The following RHOBTB1 variants were observed in gnomAD, a reference collection of about 807,000 sequenced individuals.
The protein encoded by RHOBTB1 is Rho related BTB domain containing 1, also known as rho-related BTB domain-containing protein 1.
A neutral mutation model predicts 71.6 loss-of-function variants in RHOBTB1; 40 were observed. The observed-to-expected ratio is 0.56, with a 90% CI of 0.43 to 0.73. The LOEUF (loss-of-function observed/expected upper bound fraction) is 0.73, where lower values mean the gene tolerates loss of function less well. RHOBTB1 is among the 30% of genes least tolerant of loss of function. The probability of loss-of-function intolerance (pLI) is 0.00; values close to 1 mark genes in which losing one functional copy is unlikely to be tolerated. For missense variants in RHOBTB1, 797 were observed against 894.0 expected (o/e 0.89, Z 1.38); for synonymous variants, 319 against 334.9 (o/e 0.95, Z 0.52).
rs757070619 is a variant in RHOBTB1, at chr10:60,888,277, G to A, written c.1391C>T (p.Thr464Met). 4.3e-6 allele frequency: 7 copies of A among 1,613,832 alleles called. No homozygotes were observed. Among genetic ancestry groups the A allele is most frequent in the East Asian group, 2.2e-5 (1 of 44,862 alleles). ...NKEAFMNQEITKAFHVRKANR... is the reference protein window; with the variant it reads ...NKEAFMNQEIMKAFHVRKANR... ...GGCTTTCCTTACGTGAAAGGCTTTC[G>A]TAATCTCCTGGTTCATGAAGGCTTC... is the stretch of plus-strand genomic sequence containing the variant. The change falls in exon 6 of 11, where the codon ACG (threonine) becomes ATG (methionine). Residue 464 changes from threonine (T) to methionine (M), a missense_variant. Thr to Met is a moderately conservative substitution (Grantham distance 81). Coordinates refer to ENST00000337910, the MANE Select transcript of RHOBTB1 (RefSeq NM_014836.5).
chr10:60,993,163 C>G (rs1286474390), intron 1 of RHOBTB1, among the ~76,000 whole-genome samples: 3 of 152,022 alleles, frequency 2.0e-5, no homozygotes, highest in Non-Finnish European at 4.4e-5. Context: ...ATGGAGAAAA[C>G]CCATTGTCTT....
chr10:60,968,492 G>A (rs1333415593), intron 2 of RHOBTB1, among the ~76,000 whole-genome samples: 1 of 152,094 alleles, frequency 6.6e-6, no homozygotes, highest in Non-Finnish European at 1.5e-5. Context: ...CTGGGTGCTA[G>A]GGACAATGAG....
intron 5 of RHOBTB1, among the ~76,000 whole-genome samples, chr10:60,892,303 C>T (rs748581344): frequency 5.3e-5 from 8 of 151,958 alleles, no homozygotes; most frequent in African/African-American, 1.2e-4. Context: ...ACTATAGGTC[C>T]GAATGATTTT....
At chr10:60,980,070 G>A (rs1410232357) in intron 2 of RHOBTB1, among the ~76,000 whole-genome samples, 2 of 152,112 alleles carry the variant, frequency 1.3e-5, no homozygotes, top group Non-Finnish European at 2.9e-5. Context: ...TCTGAGTCAA[G>A]GAGCAAAATT....
chr10:60,893,337 T>C (rs1369170942), intron 4 of RHOBTB1, among the ~76,000 whole-genome samples: 2 of 152,152 alleles, frequency 1.3e-5, no homozygotes, highest in Non-Finnish European at 2.9e-5. Flanking sequence ...TCACAAGAAA[T>C]AGTTTCAAGA....
intron 2 of RHOBTB1, among the ~76,000 whole-genome samples, chr10:60,978,249 T>C (rs1397531132): frequency 6.6e-6 from 1 of 152,142 alleles, no homozygotes; most frequent in African/African-American, 2.4e-5. Flanking sequence ...ACAGAAGTTA[T>C]TGGCCATGTT....
At chr10:60,949,965 T>A (rs12769453) in intron 2 of RHOBTB1, among the ~76,000 whole-genome samples, 2,393 of 152,346 alleles carry the variant, frequency 0.016, 29 homozygotes, top group Admixed American at 0.027. Context: ...TAAAGTCCTT[T>A]CTGTGTGGAT....
At chr10:60,988,905 T>C (rs1246233251) in intron 1 of RHOBTB1, among the ~76,000 whole-genome samples, 1 of 152,224 alleles carries the variant, frequency 6.6e-6, no homozygotes, top group Non-Finnish European at 1.5e-5. Flanking sequence ...TTTATAGTAC[T>C]CTGGCTTTAT....
Position 60,943,965 on chromosome 10 carries a change from A to G in RHOBTB1, c.-62+6T>C, listed in dbSNP as rs2085078115. 6.7e-6 allele frequency: 1 copy of G among 149,164 alleles called. No homozygotes were observed. The highest frequency in any genetic ancestry group is 6.6e-5 in the Admixed American group (1 of 15,096). 9.2% of individuals were successfully genotyped at this position (149,164 alleles called of 1,614,324 possible). A position where few individuals can be genotyped will look rare whatever the true frequency, so the allele number is the denominator to read the frequency against. On this transcript the variant is annotated splice_donor_region_variant and intron_variant, in intron 1 of 10. Coordinates refer to ENST00000337910, the MANE Select transcript of RHOBTB1 (RefSeq NM_014836.5). Reference sequence around the variant, plus strand: ...TAGCATAGAGCACTCACGACACAGAACCTACCCTGAAGCCGAGCGAGACGC... The same window carrying G: ...TAGCATAGAGCACTCACGACACAGAGCCTACCCTGAAGCCGAGCGAGACGC...
chr10:60,932,513 T>TAAA (rs3049595), intron 2 of RHOBTB1, among the ~76,000 whole-genome samples: 1,111 of 107,924 alleles, frequency 0.01, 20 homozygotes, highest in East Asian at 0.053. Context: ...TTTCTTAAAG[T>TAAA]AAAAAAAAAA....
intron 2 of RHOBTB1, among the ~76,000 whole-genome samples, chr10:60,961,530 T>C (rs903006231): frequency 1.3e-5 from 2 of 152,158 alleles, no homozygotes; most frequent in African/African-American, 4.8e-5. Flanking sequence ...TACAGCCTCA[T>C]AAGAATGTCA....
intron 2 of RHOBTB1, among the ~76,000 whole-genome samples, chr10:60,962,305 C>A (rs1014204796): frequency 6.6e-6 from 1 of 152,048 alleles, no homozygotes; most frequent in Non-Finnish European, 1.5e-5. Flanking sequence ...CTCTTCCCAA[C>A]AGAAAAAGAG....
intron 1 of RHOBTB1, among the ~76,000 whole-genome samples, chr10:60,998,750 G>A (rs1460853678): frequency 1.3e-5 from 2 of 152,204 alleles, no homozygotes; most frequent in African/African-American, 4.8e-5. Flanking sequence ...TCCAAAGCTA[G>A]TGAAAGGAAA....
intron 9 of RHOBTB1, among the ~76,000 whole-genome samples, chr10:60,874,612 T>C (rs1361934697): frequency 6.6e-6 from 1 of 152,172 alleles, no homozygotes; most frequent in Non-Finnish European, 1.5e-5. Context: ...CTTCATGGAA[T>C]TCTAGAAACT....
rs188929232 is a variant in RHOBTB1, at chr10:60,987,276, C to G, written c.-162-1331G>C. 5.9e-5 allele frequency among the ~76,000 whole-genome samples: 9 copies of G among 152,264 alleles called. No homozygotes were observed. The East Asian group carries it at 1.4e-3, about 23-fold the overall frequency. ...TCTTCTGCCTTCCCTTAAACGTGGG[C>G]CTTCCACAAGGTTCTCCACTTGGCA... On this transcript the variant is annotated intron_variant, in intron 1 of 11. Coordinates refer to the RHOBTB1 transcript ENST00000357917.
Position 60,915,634 on chromosome 10 carries a change from G to GTC in RHOBTB1, c.-10-4083_-10-4082insGA, listed in dbSNP as rs2083231381. ...AAAATTGTTAAATAAACAAGACAGT[G>GTC]CAGGTGGGGAAGTGAAGGGCATGGT... is the stretch of plus-strand genomic sequence containing the variant. On this transcript the variant is annotated intron_variant, in intron 2 of 10. Transcript: ENST00000337910. Among the ~76,000 whole-genome samples, 5 of 152,316 alleles carry GTC rather than the reference G, an allele frequency of 3.3e-5. No individual in the cohort carries two copies. In the South Asian group the frequency reaches 1.0e-3, roughly 32 times the overall value.
At chr10:60,861,442 G>A in the RHOBTB1 span, among the ~76,000 whole-genome samples, 1 of 152,160 alleles carries the variant, frequency 6.6e-6, no homozygotes, top group Non-Finnish European at 1.5e-5. Flanking sequence ...TAGGTGGTTT[G>A]TTTTAGGAGA....
At chr10:60,891,098 G>A (rs2081892635) in intron 5 of RHOBTB1, among the ~76,000 whole-genome samples, 1 of 152,050 alleles carries the variant, frequency 6.6e-6, no homozygotes, top group Non-Finnish European at 1.5e-5. Flanking sequence ...CCTCTACATG[G>A]CCCCTAATAT....
upstream of RHOBTB1, among the ~76,000 whole-genome samples, chr10:60,949,113 G>A (rs2085330319): frequency 1.3e-5 from 2 of 152,174 alleles, 1 homozygote; most frequent in African/African-American, 4.8e-5. Context: ...GGGTCATAAA[G>A]AAAATGACTT....
Sources: allele counts gnomAD v4.1 joint callset (sites outside exome capture counted in the v4.1 genomes callset), GRCh38; gene constraint gnomAD v4.1.1; transcripts MANE v1.5; gene names NCBI Gene and HGNC (gene_info 2026-07-23, HGNC 2026-07-21).